The following PARM1 variants were observed in gnomAD, a reference collection of about 807,000 sequenced individuals.
The protein encoded by PARM1 is WSC4, cell wall integrity and stress response component 4 homolog.
In PARM1, 14 loss-of-function variants were observed where a neutral mutation model predicts 24.6. That is an observed-to-expected ratio of 0.57 (90% CI 0.38 to 0.89). The LOEUF is 0.89. PARM1 is among the 40% of genes least tolerant of loss of function. The pLI is 0.00. For missense variants in PARM1, 362 were observed against 380.4 expected, an observed-to-expected ratio of 0.95 and a Z score of 0.40; for synonymous variants, 179 against 156.6, an observed-to-expected ratio of 1.14 and a Z score of -1.07.
rs565766941 is a variant in PARM1, at chr4:75,029,175, G to T, written c.770-4708G>T. Among the ~76,000 whole-genome samples the T allele has an allele frequency of 7.9e-5, 12 of 152,238 alleles. 1 individual carries two copies. The highest frequency in any genetic ancestry group is 6.5e-5 in the Admixed American group (1 of 15,286). ...CAGTTGATTCCTGGACTGCCTCAGG[G>T]TATAGAACAGAGCTAAAGCAGGGAA... On this transcript the variant is annotated intron_variant, in intron 2 of 3. Transcript: ENST00000307428.
At chr4:75,027,219 CG>C (rs1723199671) in intron 2 of PARM1, among the ~76,000 whole-genome samples, 2 of 152,112 alleles carry the variant, frequency 1.3e-5, no homozygotes, top group South Asian at 4.1e-4. Flanking sequence ...GAATGGTTCC[CG>C]GGGCCTGACA....
intron 1 of PARM1, among the ~76,000 whole-genome samples, chr4:74,952,281 G>A (rs1313055271): frequency 6.6e-6 from 1 of 151,890 alleles, no homozygotes; most frequent in Admixed American, 6.6e-5. Flanking sequence ...TTTTTAATGG[G>A]GTTGTTTATT....
At chr4:74,989,749 C>A (rs749779520) in intron 1 of PARM1, among the ~76,000 whole-genome samples, 11 of 152,160 alleles carry the variant, frequency 7.2e-5, no homozygotes, top group Non-Finnish European at 2.9e-5. Context: ...CCCATCCTGA[C>A]TGCTATCTAG....
At chr4:74,960,472 G>A (rs1288983518) in intron 1 of PARM1, among the ~76,000 whole-genome samples, 1 of 151,980 alleles carries the variant, frequency 6.6e-6, no homozygotes, top group Non-Finnish European at 1.5e-5. Flanking sequence ...TACATGTTGG[G>A]CTGATCACCA....
intron 1 of PARM1, among the ~76,000 whole-genome samples, chr4:74,952,701 A>G (rs1001646039): frequency 6.6e-5 from 10 of 152,210 alleles, no homozygotes; most frequent in Non-Finnish European, 1.2e-4. Flanking sequence ...CTGTGTAAGT[A>G]TTACTGGATA....
chr4:74,991,351 C>G (rs952585677), intron 1 of PARM1, among the ~76,000 whole-genome samples: 1 of 152,064 alleles, frequency 6.6e-6, no homozygotes, highest in Non-Finnish European at 1.5e-5. Context: ...AAAGTGAGTC[C>G]TACAATTGCC....
At chr4:74,938,530 G>T (rs1449185575) in intron 1 of PARM1, among the ~76,000 whole-genome samples, 2 of 152,182 alleles carry the variant, frequency 1.3e-5, no homozygotes, top group African/African-American at 4.8e-5. Context: ...GAGGTGGGTA[G>T]ATAGTGAATG....
At chr4:74,965,058 G>C (rs558801921) in intron 1 of PARM1, 2 of 152,302 alleles carry the variant, frequency 1.3e-5, no homozygotes, top group South Asian at 4.1e-4. Flanking sequence ...AGCAAAGTAA[G>C]CTCCTCTTCA....
intron 1 of PARM1, among the ~76,000 whole-genome samples, chr4:74,949,247 T>A (rs1435940190): frequency 1.3e-5 from 2 of 152,160 alleles, no homozygotes; most frequent in African/African-American, 4.8e-5. Context: ...ACGTTTCCTC[T>A]GAGAAAAAAT....
At chr4:74,957,759 A>G (rs1721670871) in intron 1 of PARM1, among the ~76,000 whole-genome samples, 1 of 152,162 alleles carries the variant, frequency 6.6e-6, no homozygotes, top group African/African-American at 2.4e-5. Context: ...TGGGGTTGCC[A>G]GGTGTCTTCT....
chr4:75,024,211 GC>G (rs1341492885), intron 2 of PARM1, among the ~76,000 whole-genome samples: 2 of 151,580 alleles, frequency 1.3e-5, no homozygotes, highest in Non-Finnish European at 2.9e-5. Flanking sequence ...GGCGGAGCTT[GC>G]GCCACTGCAC....
At chr4:75,045,541 G>A (rs922144591) in intron 3 of PARM1, among the ~76,000 whole-genome samples, 1 of 152,216 alleles carries the variant, frequency 6.6e-6, no homozygotes, top group Non-Finnish European at 1.5e-5. Flanking sequence ...CTAAGTGCTG[G>A]ATTTAGATAA....
intron 2 of PARM1, among the ~76,000 whole-genome samples, chr4:75,015,391 G>A (rs144753186): frequency 4.3e-4 from 66 of 152,296 alleles, no homozygotes; most frequent in South Asian, 8.3e-4. Flanking sequence ...CAGAATAAAT[G>A]ACAGAATGCT....
At chr4:75,007,008 G>T (rs557308932) in intron 1 of PARM1, among the ~76,000 whole-genome samples, 100 of 152,164 alleles carry the variant, frequency 6.6e-4, no homozygotes, top group Non-Finnish European at 5.4e-4. Flanking sequence ...AATCTACAAA[G>T]AACTTAAATA....
intron 1 of PARM1, among the ~76,000 whole-genome samples, chr4:74,972,881 G>A (rs1055246232): frequency 7.2e-5 from 11 of 152,162 alleles, no homozygotes; most frequent in Admixed American, 3.3e-4. Flanking sequence ...GGAGGCTTGA[G>A]GACATCTGCA....
chr4:74,982,096 ATGG>A (rs1722268623), intron 1 of PARM1, among the ~76,000 whole-genome samples: 1 of 152,178 alleles, frequency 6.6e-6, no homozygotes. Context: ...CATATACATG[ATGG>A]AATACTATGC....
intron 1 of PARM1, among the ~76,000 whole-genome samples, chr4:74,958,595 G>A (rs930743494): frequency 1.3e-5 from 2 of 152,112 alleles, no homozygotes; most frequent in African/African-American, 2.4e-5. Context: ...TATGAGGCTC[G>A]ACCATAAGAC....
intron 1 of PARM1, among the ~76,000 whole-genome samples, chr4:74,947,952 C>G (rs537228961): frequency 6.6e-6 from 1 of 152,178 alleles, no homozygotes; most frequent in Non-Finnish European, 1.5e-5. Context: ...GTGTGAAAGG[C>G]CAGAGAAGCA....
At chr4:74,964,023 T>G (rs927096585) in intron 1 of PARM1, among the ~76,000 whole-genome samples, 1 of 152,172 alleles carries the variant, frequency 6.6e-6, no homozygotes, top group African/African-American at 2.4e-5. Context: ...TATCAGTCTT[T>G]AACTGCAAAT....
Sources: allele counts gnomAD v4.1 joint callset (sites outside exome capture counted in the v4.1 genomes callset), GRCh38; gene constraint gnomAD v4.1.1; transcripts MANE v1.5; gene names NCBI Gene and HGNC (gene_info 2026-07-23, HGNC 2026-07-21).